ADAM10: variants seen among roughly 807,000 people sequenced by gnomAD.
ADAM10 encodes the protein ADAM metallopeptidase domain 10, also known as disintegrin and metalloproteinase domain-containing protein 10.
In ADAM10, 17 loss-of-function variants were observed where a neutral mutation model predicts 90.1. The observed-to-expected ratio is 0.19, with a 90% CI of 0.13 to 0.28. ADAM10 has a LOEUF of 0.28. Among genes scored for constraint, ADAM10 ranks in the 10% least tolerant of loss-of-function variants. ADAM10 has a pLI of 1.00. For missense variants in ADAM10, 610 were observed against 914.3 expected (o/e 0.67, Z 4.29); for synonymous variants, 310 against 298.6 (o/e 1.04, Z -0.40).
chr15:58,749,062 G>A (rs1172194561), intron 1 of ADAM10: 11 of 398,822 alleles, frequency 2.8e-5, no homozygotes, highest in Non-Finnish European at 4.9e-5. Flanking sequence ...TGAGCAGGAT[G>A]AGCGCTGAAC....
At chr15:58,667,027 C>G (rs1400098656) in intron 4 of ADAM10, among the ~76,000 whole-genome samples, 1 of 152,024 alleles carries the variant, frequency 6.6e-6, no homozygotes, top group Non-Finnish European at 1.5e-5. Flanking sequence ...ACAATATAAT[C>G]CTCATTTCTA....
intron 5 of ADAM10, among the ~76,000 whole-genome samples, chr15:58,658,362 A>G (rs1896883487): frequency 6.6e-6 from 1 of 152,180 alleles, no homozygotes; most frequent in Non-Finnish European, 1.5e-5. Context: ...CTACATGTTT[A>G]CCCTTAGGTC....
chr15:58,615,790 C>T (rs1895592396), intron 11 of ADAM10, among the ~76,000 whole-genome samples: 1 of 151,986 alleles, frequency 6.6e-6, no homozygotes, highest in South Asian at 2.1e-4. Flanking sequence ...GGCAGATCAC[C>T]TGAGGTCAGG....
intron 11 of ADAM10, among the ~76,000 whole-genome samples, chr15:58,618,935 G>A (rs1895699413): frequency 6.6e-6 from 1 of 152,166 alleles, no homozygotes; most frequent in Admixed American, 6.5e-5. Context: ...TATAGCCACT[G>A]TGTAAACTGG....
intron 2 of ADAM10, chr15:58,698,447 G>C (rs1236242018): frequency 3.2e-6 from 1 of 308,088 alleles, no homozygotes; most frequent in Non-Finnish European, 6.2e-6. Context: ...ATATTGGCGT[G>C]AACCTGTAGT....
intron 5 of ADAM10, among the ~76,000 whole-genome samples, chr15:58,662,502 A>T (rs916472509): frequency 1.5e-4 from 23 of 152,210 alleles, no homozygotes; most frequent in African/African-American, 4.8e-4. Context: ...CCAGCTAATT[A>T]AAAATAATAA....
intron 10 of ADAM10, among the ~76,000 whole-genome samples, chr15:58,626,737 C>A (rs1287985463): frequency 1.3e-5 from 2 of 152,124 alleles, no homozygotes; most frequent in Non-Finnish European, 2.9e-5. Context: ...TCCCCACTTA[C>A]ATGAGATACC....
chr15:58,717,263 T>C (rs1237498720), intron 2 of ADAM10, among the ~76,000 whole-genome samples: 1 of 152,206 alleles, frequency 6.6e-6, no homozygotes, highest in Non-Finnish European at 1.5e-5. Flanking sequence ...GATAGATATA[T>C]TGACCATAAA....
chr15:58,631,939 T>C (rs1221801920), intron 9 of ADAM10, among the ~76,000 whole-genome samples: 1 of 152,180 alleles, frequency 6.6e-6, no homozygotes, highest in Non-Finnish European at 1.5e-5. Context: ...GACTTGCAAC[T>C]TAGTGAGATG....
chr15:58,690,191 T>C (rs12439457), intron 2 of ADAM10, among the ~76,000 whole-genome samples: 73,990 of 151,956 alleles, frequency 0.49, 20,881 homozygotes, highest in East Asian at 0.84. Flanking sequence ...TTTCAGCACC[T>C]ACTCATGATA....
intron 1 of ADAM10, among the ~76,000 whole-genome samples, chr15:58,722,785 G>A (rs2140825028): frequency 7.0e-6 from 1 of 143,164 alleles, no homozygotes; most frequent in South Asian, 2.2e-4. Flanking sequence ...AGGCTGGAGT[G>A]CAGTAGCACT....
chr15:58,670,899 G>A (rs1215014901), intron 4 of ADAM10, among the ~76,000 whole-genome samples: 1 of 152,080 alleles, frequency 6.6e-6, no homozygotes, highest in African/African-American at 2.4e-5. Flanking sequence ...ACTTTTAGAA[G>A]AGATAAGAGA....
intron 1 of ADAM10, among the ~76,000 whole-genome samples, chr15:58,741,626 G>C (rs940388387): frequency 6.6e-6 from 1 of 152,162 alleles, no homozygotes; most frequent in Non-Finnish European, 1.5e-5. Context: ...CAATGAAACA[G>C]CCTAATATTT....
chr15:58,618,447 T>C (rs1040395125), intron 11 of ADAM10, among the ~76,000 whole-genome samples: 4 of 152,172 alleles, frequency 2.6e-5, no homozygotes, highest in Admixed American at 6.5e-5. Flanking sequence ...TATCAGGACA[T>C]TGATCTGAGC....
intron 5 of ADAM10, among the ~76,000 whole-genome samples, chr15:58,651,747 T>G (rs567166017): frequency 1.3e-5 from 2 of 152,206 alleles, no homozygotes; most frequent in Admixed American, 1.3e-4. Context: ...CTATGATGTA[T>G]CTCTTCGGGT....
At chr15:58,687,835 C>G (rs1402482706) in intron 2 of ADAM10, among the ~76,000 whole-genome samples, 1 of 152,100 alleles carries the variant, frequency 6.6e-6, no homozygotes, top group Non-Finnish European at 1.5e-5. Context: ...ATTCATGCGA[C>G]AATCATGAAA....
chr15:58,715,514 G>C (rs1161976248), intron 2 of ADAM10, among the ~76,000 whole-genome samples: 1 of 151,830 alleles, frequency 6.6e-6, no homozygotes, highest in Non-Finnish European at 1.5e-5. Context: ...TCAGCAAGAA[G>C]TTCTCCCTCC....
intron 1 of ADAM10, among the ~76,000 whole-genome samples, chr15:58,724,321 G>A (rs144113387): frequency 6.9e-4 from 105 of 152,230 alleles, no homozygotes; most frequent in African/African-American, 2.5e-3. Flanking sequence ...ACACTAGACA[G>A]ATTCTAGGGT....
At chr15:58,685,365 G>C (rs113300699) in intron 2 of ADAM10, among the ~76,000 whole-genome samples, 2 of 151,090 alleles carry the variant, frequency 1.3e-5, no homozygotes, top group African/African-American at 4.9e-5. Flanking sequence ...GGAGGCTAAG[G>C]CAGGAGAATG....
Sources: allele counts gnomAD v4.1 joint callset (sites outside exome capture counted in the v4.1 genomes callset), GRCh38; gene constraint gnomAD v4.1.1; transcripts MANE v1.5; gene names NCBI Gene and HGNC (gene_info 2026-07-23, HGNC 2026-07-21).